LRRC4C: variants seen among roughly 807,000 people sequenced by gnomAD.
The protein encoded by LRRC4C is leucine rich repeat containing 4C.
LRRC4C carries 5 observed loss-of-function variants against 33.6 expected under a neutral mutation model. That is an observed-to-expected ratio of 0.15 (90% CI 0.08 to 0.31). The LOEUF (loss-of-function observed/expected upper bound fraction) is 0.31. Ranked by LOEUF, LRRC4C falls within the 10% of genes least tolerant of loss-of-function variation. The pLI is 1.00. For missense variants in LRRC4C, 560 were observed against 796.7 expected (o/e 0.70, Z 3.58); for synonymous variants, 329 against 302.0 (o/e 1.09, Z -0.93).
chr11:40,501,981 C>T (rs1485792438), intron 3 of LRRC4C, among the ~76,000 whole-genome samples: 1 of 152,170 alleles, frequency 6.6e-6, no homozygotes, highest in Admixed American at 6.6e-5. Context: ...TGCTTTGCTG[C>T]TTAGAAATTT....
At chr11:40,510,448 C>T (rs1017490082) in intron 3 of LRRC4C, among the ~76,000 whole-genome samples, 2 of 151,962 alleles carry the variant, frequency 1.3e-5, no homozygotes, top group African/African-American at 4.8e-5. Flanking sequence ...GACTATTTTA[C>T]TCAATATTTC....
intron 1 of LRRC4C, among the ~76,000 whole-genome samples, chr11:41,281,067 TCTCTCTCTGTC>T (rs1319067163): frequency 4.4e-5 from 6 of 136,596 alleles, no homozygotes; most frequent in East Asian, 2.1e-4. Context: ...TCTCTCTCTC[TCTCTCTCTGTC>T]CTCTCTCTCT....
intron 1 of LRRC4C, among the ~76,000 whole-genome samples, chr11:41,106,140 T>A (rs903694830): frequency 1.3e-5 from 2 of 152,092 alleles, no homozygotes; most frequent in African/African-American, 4.8e-5. Flanking sequence ...CAGAACTAAG[T>A]ATCAACTTAG....
rs183897608 is a variant in LRRC4C at position 40,423,591 on chromosome 11, G to A, written c.-269-103870C>T. 1.3e-3 allele frequency among the ~76,000 whole-genome samples: 198 copies of A among 151,954 alleles called. 2 individuals carry two copies. The East Asian group carries it at 0.035, about 27-fold the overall frequency. The stretch of plus-strand genomic sequence containing the variant: ...GATCTCCTGACCTCGTGATCCGCCC[G>A]CCTCGGCCTCCCAAAGTGCTGGGAT... On this transcript the variant is annotated intron_variant, in intron 3 of 6. Coordinates refer to ENST00000528697, the MANE Select transcript of LRRC4C (RefSeq NM_001258419.2).
chr11:40,938,327 G>A (rs570855105), intron 1 of LRRC4C, among the ~76,000 whole-genome samples: 11 of 151,830 alleles, frequency 7.2e-5, no homozygotes, highest in Admixed American at 2.0e-4. Context: ...AGATCCAAGC[G>A]AAGGGTGAGG....
At chr11:40,638,426 CT>C (rs1202435467) in intron 3 of LRRC4C, among the ~76,000 whole-genome samples, 4 of 152,136 alleles carry the variant, frequency 2.6e-5, no homozygotes, top group African/African-American at 9.7e-5. Flanking sequence ...AATTCATTGG[CT>C]CTTAACCTTG....
At position 40,322,638 on chromosome 11, in the gene LRRC4C, C is replaced by T. The variant is rs78283547; in HGVS notation, c.-269-2917G>A. 8.1e-3 allele frequency among the ~76,000 whole-genome samples: 1,232 copies of T among 152,230 alleles called. 8 individuals carry two copies. Among genetic ancestry groups the T allele is most frequent in the Non-Finnish European group, 0.012 (826 of 68,002 alleles). On this transcript the variant is annotated intron_variant, in intron 3 of 6. Transcript: ENST00000528697. Reference sequence around the variant, plus strand: ...GGTTGCAGAAGACCTTGGAGTCAGACAATCTAAGGTCAGCAGCATCACTTC... The same window carrying T: ...GGTTGCAGAAGACCTTGGAGTCAGATAATCTAAGGTCAGCAGCATCACTTC...
In LRRC4C at chr11:40,950,019, T is replaced by C. The variant is rs182966636; in HGVS notation, c.-495-16296A>G. Among the ~76,000 whole-genome samples the C allele has an allele frequency of 5.0e-3, 709 of 140,438 alleles. 4 individuals are homozygous for C. Among genetic ancestry groups the C allele is most frequent in the Admixed American group, 9.5e-3 (134 of 14,072 alleles). 92.1% of individuals were successfully genotyped at this position (140,438 alleles called of 152,430 possible). On this transcript the variant is annotated intron_variant, in intron 1 of 6. Coordinates refer to ENST00000528697, the MANE Select transcript of LRRC4C (RefSeq NM_001258419.2). The stretch of plus-strand genomic sequence containing the variant: ...TACGCAAGAGGAAAATTTTCACCTC[T>C]CAATTTTTTTTCATGGCTAAAATGA...
chr11:41,304,552 C>T (rs1395844362), intron 1 of LRRC4C, among the ~76,000 whole-genome samples: 2 of 114,166 alleles, frequency 1.8e-5, no homozygotes, highest in South Asian at 3.4e-4. Flanking sequence ...CCCGGCCAGC[C>T]GCCCCGTCTG....
chr11:40,307,292 CCTTT>C (rs901057807), intron 4 of LRRC4C, among the ~76,000 whole-genome samples: 9 of 152,064 alleles, frequency 5.9e-5, no homozygotes, highest in East Asian at 1.9e-4. Flanking sequence ...ATAAACTGTC[CCTTT>C]CTTTCTTTCT....
intron 1 of LRRC4C, among the ~76,000 whole-genome samples, chr11:41,060,458 C>A (rs1179728239): frequency 6.6e-6 from 1 of 152,126 alleles, no homozygotes; most frequent in Non-Finnish European, 1.5e-5. Context: ...TTGTTTCTGG[C>A]GAGTACCCTC....
intron 2 of LRRC4C, among the ~76,000 whole-genome samples, chr11:40,707,914 TC>T (rs1946251338): frequency 6.6e-6 from 1 of 152,336 alleles, no homozygotes; most frequent in Admixed American, 6.5e-5. Context: ...ATTCAGCAAT[TC>T]AACTTCTTCC....
intron 3 of LRRC4C, among the ~76,000 whole-genome samples, chr11:40,461,983 A>G (rs1565412498): frequency 6.6e-6 from 1 of 151,942 alleles, no homozygotes; most frequent in Non-Finnish European, 1.5e-5. Context: ...GGGAACAGGA[A>G]GACTAGGTGG....
intron 2 of LRRC4C, among the ~76,000 whole-genome samples, chr11:40,911,775 G>A (rs1956707610): frequency 6.6e-6 from 1 of 152,150 alleles, no homozygotes; most frequent in Non-Finnish European, 1.5e-5. Flanking sequence ...TCGAACCCAT[G>A]GCAAAGAAGT....
chr11:40,461,603 A>G (rs556407086), intron 3 of LRRC4C, among the ~76,000 whole-genome samples: 22 of 151,342 alleles, frequency 1.5e-4, no homozygotes, highest in African/African-American at 4.6e-4. Flanking sequence ...GAAATAACCA[A>G]CTTAAACCAC....
intron 2 of LRRC4C, among the ~76,000 whole-genome samples, chr11:40,687,081 AT>A (rs1475540680): frequency 2.0e-5 from 3 of 152,138 alleles, no homozygotes; most frequent in African/African-American, 7.2e-5. Context: ...TTGGATGCTA[AT>A]TGAAATAATC....
chr11:40,393,268 G>A (rs1172517174), intron 3 of LRRC4C, among the ~76,000 whole-genome samples: 1 of 151,954 alleles, frequency 6.6e-6, no homozygotes, highest in African/African-American at 2.4e-5. Context: ...AATATCCTAC[G>A]TACATGCTTG....
At chr11:40,214,845 T>C (rs1863860208) in intron 5 of LRRC4C, among the ~76,000 whole-genome samples, 1 of 152,126 alleles carries the variant, frequency 6.6e-6, no homozygotes. Context: ...GCCCTTTTTT[T>C]CCCCGCTAAG....
chr11:41,108,255 G>A (rs1941629300), intron 1 of LRRC4C, among the ~76,000 whole-genome samples: 2 of 151,936 alleles, frequency 1.3e-5, no homozygotes. Flanking sequence ...GCAGGCAGAT[G>A]TCCACACGCC....
Sources: allele counts gnomAD v4.1 joint callset (sites outside exome capture counted in the v4.1 genomes callset), GRCh38; gene constraint gnomAD v4.1.1; transcripts MANE v1.5; gene names NCBI Gene and HGNC (gene_info 2026-07-23, HGNC 2026-07-21).